Variants in ACLY observed in about 807,000 individuals in gnomAD.
The protein encoded by ACLY is ATP-citrate synthase.
Under a neutral mutation model 133.0 loss-of-function variants are expected in ACLY, and 41 were observed. The ratio of observed to expected loss-of-function variants is 0.31; its 90% CI spans 0.24 to 0.40. ACLY has a LOEUF of 0.40. Among genes scored for constraint, ACLY ranks in the 10% least tolerant of loss-of-function variants. The pLI is 1.00. For synonymous variants in ACLY, 495 were observed against 549.3 expected (o/e 0.90, Z 1.38); for missense variants, 1,046 against 1,453.8 (o/e 0.72, Z 4.56).
chr17:41,906,222 G>C (rs1266705517), intron 8 of ACLY, among the ~76,000 whole-genome samples: 1 of 152,206 alleles, frequency 6.6e-6, no homozygotes, highest in Admixed American at 6.5e-5. Flanking sequence ...GTCAGGGAGA[G>C]GATGGGGAAA....
In ACLY at chr17:41,917,633, T is replaced by C. The variant is rs534416679; in HGVS notation, c.-24+1247A>G. Among the ~76,000 whole-genome samples the C allele has an allele frequency of 1.6e-4, 25 of 152,216 alleles. 1 individual carries two copies. Among genetic ancestry groups the C allele is most frequent in the African/African-American group, 5.5e-4 (23 of 41,506 alleles). On this transcript the variant is annotated intron_variant, in intron 1 of 28. Transcript: ENST00000352035. ...CATTTGAAGGTTAGTATCTGCAGGA[T>C]TGGGACTTACGTATGTAGGTATTTA... is the stretch of plus-strand genomic sequence containing the variant.
rs782337255 is a variant in ACLY, at chr17:41,883,181, G to A, written c.2206C>T (p.Leu736Phe). 6.2e-7 allele frequency: 1 copy of A among 1,614,060 alleles called. No individual in the cohort carries two copies. The highest frequency in any genetic ancestry group is 2.2e-5 in the East Asian group (1 of 44,880). ...KICRGIKEGR[L>F]TKPIVCWCIG... Reference sequence around the variant, plus strand: ...CACCAGCAGACGATGGGCTTAGTGAGGCGGCCCTCCTTGATGCCCCGGCAA... The same window carrying A: ...CACCAGCAGACGATGGGCTTAGTGAAGCGGCCCTCCTTGATGCCCCGGCAA... Residue 736 changes from leucine (L) to phenylalanine (F), a missense_variant, in exon 20 of 29, where the codon CTC becomes TTC. Physicochemically the swap from Leu to Phe is conservative, Grantham distance 22 (BLOSUM62 0). Coordinates refer to ENST00000352035, the MANE Select transcript of ACLY (RefSeq NM_001096.3).
chr17:41,871,787 T>C lies in ACLY; in HGVS notation c.2839A>G (p.Ser947Gly), dbSNP rs1555625094. The change falls in exon 25 of 29, where the codon AGT becomes GGT. Residue 947 changes from serine to glycine, a missense_variant. Physicochemically the swap from Ser to Gly is moderately conservative, Grantham distance 56. This residue lies in a region of ACLY where 205 missense variants were observed against 373.3 expected (regional missense o/e 0.55). Coordinates refer to ENST00000352035, the MANE Select transcript of ACLY (RefSeq NM_001096.3). ...ATAATGCCACTGTCAAAGGCTTTAC[T>C]GAACATCTTGGCTGCTGCATCCAAG... ...GALDAAAKMF[S>G]KAFDSGIIPM... is the part of the protein sequence containing the mutation. 6.2e-7 allele frequency: 1 copy of C among 1,614,198 alleles called. No individual in the cohort carries two copies. Among genetic ancestry groups the C allele is most frequent in the Non-Finnish European group, 8.5e-7 (1 of 1,180,026 alleles).
At chr17:41,880,603 G>A (rs774994074) in intron 20 of ACLY, among the ~76,000 whole-genome samples, 8 of 152,236 alleles carry the variant, frequency 5.3e-5, no homozygotes, top group Non-Finnish European at 1.2e-4. Flanking sequence ...AGTGGTTCAC[G>A]CCTGTAATCC....
In ACLY at chr17:41,868,744, CCAT is replaced by C; in HGVS notation, c.3173_3175del (p.Asn1058_Gly1059delinsSer). The C allele has an allele frequency of 6.2e-7, 1 of 1,613,822 alleles. No individual in the cohort carries two copies. Among genetic ancestry groups the C allele is most frequent in the Non-Finnish European group, 8.5e-7 (1 of 1,179,986 alleles). The stretch of plus-strand genomic sequence containing the variant: ...CATACTCCTTCCCAGCACAAAGATG[CCAT>C]TGAGGGCTCCAATGTCAATATATTC... On this transcript the variant is annotated inframe_deletion, in exon 28 of 29. Coordinates refer to ENST00000352035, the MANE Select transcript of ACLY (RefSeq NM_001096.3).
intron 10 of ACLY, among the ~76,000 whole-genome samples, chr17:41,903,688 G>A (rs1440581510): frequency 1.3e-5 from 2 of 149,038 alleles, no homozygotes; most frequent in Non-Finnish European, 3.0e-5. Context: ...TCCGGGAGGC[G>A]GAGGTTGCAG....
chr17:41,876,289 T>C (rs1447683335), intron 22 of ACLY, among the ~76,000 whole-genome samples: 1 of 139,382 alleles, frequency 7.2e-6, no homozygotes, highest in Non-Finnish European at 1.5e-5. Context: ...GGGAGGGAGG[T>C]GGGGGGGTCA....
At chr17:41,895,897 G>A (rs2049352055) in intron 14 of ACLY, among the ~76,000 whole-genome samples, 1 of 152,168 alleles carries the variant, frequency 6.6e-6, no homozygotes, top group Non-Finnish European at 1.5e-5. Flanking sequence ...CTGATGCCAT[G>A]AACCAATTAA....
chr17:41,917,825 G>A (rs2050091773), intron 1 of ACLY, among the ~76,000 whole-genome samples: 1 of 152,070 alleles, frequency 6.6e-6, no homozygotes, highest in African/African-American at 2.4e-5. Flanking sequence ...AGCTGTTTAG[G>A]AAGGTTTCTA....
At chr17:41,925,517 G>C (rs1355051488) in intron 1 of ACLY, among the ~76,000 whole-genome samples, 4 of 151,748 alleles carry the variant, frequency 2.6e-5, no homozygotes, top group African/African-American at 9.7e-5. Context: ...AGGCTGAGGT[G>C]GGAGGATTGC....
At chr17:41,913,950 C>A (rs1555634119) in intron 1 of ACLY, 54 bp from the exon 2 acceptor site, 2 of 1,573,584 alleles carry the variant, frequency 1.3e-6, no homozygotes, top group South Asian at 1.2e-5. Flanking sequence ...GAGGCACTAT[C>A]TTCCCCAGCA....
intron 8 of ACLY, among the ~76,000 whole-genome samples, chr17:41,906,029 C>T (rs2049705606): frequency 6.6e-6 from 1 of 152,116 alleles, no homozygotes; most frequent in Admixed American, 6.5e-5. Flanking sequence ...CAGTCACACA[C>T]AGAAGGGAAT....
chr17:41,873,711 G>A (rs2048658654), intron 23 of ACLY, 100 bp downstream of exon 23: 2 of 1,325,186 alleles, frequency 1.5e-6, no homozygotes, highest in African/African-American at 3.0e-5. Flanking sequence ...GATTGATCTT[G>A]GACACACTCC....
intron 6 of ACLY, among the ~76,000 whole-genome samples, chr17:41,907,898 G>T (rs1555632967): frequency 1.3e-5 from 2 of 152,120 alleles, no homozygotes; most frequent in Non-Finnish European, 2.9e-5. Flanking sequence ...GCAAACCCAT[G>T]GTCCGGCCAC....
chr17:41,909,372 G>T, intron 5 of ACLY, 138 bp downstream of exon 5: 1 of 920,960 alleles, frequency 1.1e-6, no homozygotes. Context: ...CCTGCACCCA[G>T]CTGTCTTCCT....
intron 15 of ACLY, 147 bp from the exon 16 acceptor site, chr17:41,892,594 CA>C (rs1434133712): frequency 6.4e-5 from 45 of 708,154 alleles, no homozygotes; most frequent in Non-Finnish European, 7.2e-5. Flanking sequence ...AAAGATCCCC[CA>C]GGAATACTGA....
chr17:41,896,532 C>G (rs1598012000), intron 14 of ACLY, 88 bp downstream of exon 14: 2 of 1,262,834 alleles, frequency 1.6e-6, no homozygotes, highest in South Asian at 1.5e-5. Context: ...TGCAACCCAC[C>G]AGGGGAGGGG....
chr17:41,889,524 CAAAAAAAAAAAAAAA>C (rs533387140), intron 16 of ACLY, among the ~76,000 whole-genome samples: 12 of 31,604 alleles, frequency 3.8e-4, no homozygotes, highest in Admixed American at 6.3e-4. Context: ...CTCCATTTCA[CAAAAAAAAAAAAAAA>C]AAAAAAAAAA....
At chr17:41,881,096 T>C (rs1210787661) in intron 20 of ACLY, among the ~76,000 whole-genome samples, 1 of 148,406 alleles carries the variant, frequency 6.7e-6, no homozygotes, top group Non-Finnish European at 1.5e-5. Flanking sequence ...GAGTACAGAG[T>C]TGGGGGGAGA....
Sources: allele counts gnomAD v4.1 joint callset (sites outside exome capture counted in the v4.1 genomes callset), GRCh38; gene constraint gnomAD v4.1.1; regional missense constraint gnomAD v4.1.1; transcripts MANE v1.5; gene names NCBI Gene and HGNC (gene_info 2026-07-23, HGNC 2026-07-21).